PTK2: variants seen among roughly 807,000 people sequenced by gnomAD.
PTK2 encodes the protein protein tyrosine kinase 2.
A neutral mutation model predicts 150.1 loss-of-function variants in PTK2; 45 were observed. The ratio of observed to expected loss-of-function variants is 0.30; its 90% CI spans 0.24 to 0.38. PTK2 has a LOEUF of 0.38. Among genes scored for constraint, PTK2 ranks in the 10% least tolerant of loss-of-function variants. The pLI is 1.00. For missense variants in PTK2, 919 were observed against 1,307.3 expected, an observed-to-expected ratio of 0.70 and a Z score of 4.58; for synonymous variants, 432 against 449.2, an observed-to-expected ratio of 0.96 and a Z score of 0.48.
At chr8:140,808,265 A>C (rs2100099281) in intron 10 of PTK2, among the ~76,000 whole-genome samples, 1 of 152,198 alleles carries the variant, frequency 6.6e-6, no homozygotes, top group African/African-American at 2.4e-5. Flanking sequence ...AGAAGCCATT[A>C]CATAGCAGAG....
Position 140,845,699 on chromosome 8 carries a change from G to A in PTK2, c.593+561C>T, listed in dbSNP as rs1036122322. Among the ~76,000 whole-genome samples the A allele has an allele frequency of 2.6e-5, 4 of 152,244 alleles. No homozygotes were observed. The East Asian group carries it at 7.7e-4, about 29-fold the overall frequency. On this transcript the variant is annotated intron_variant, in intron 7 of 31. Coordinates refer to ENST00000522684, the Ensembl canonical transcript of PTK2. ...GAATCTCTGGCACTTAGCTACAAAG[G>A]ACTCAGTGTTCAGTTATCTTTTGCT...
chr8:140,994,983 T>C (rs538066261), intron 1 of PTK2, among the ~76,000 whole-genome samples: 62 of 146,580 alleles, frequency 4.2e-4, no homozygotes, highest in South Asian at 1.1e-3. Flanking sequence ...ACTCAGGAGG[T>C]TGAGTCAGGA....
At chr8:140,763,863 T>C (rs1253957346) in intron 15 of PTK2, among the ~76,000 whole-genome samples, 1 of 152,180 alleles carries the variant, frequency 6.6e-6, no homozygotes, top group Non-Finnish European at 1.5e-5. Flanking sequence ...ATGTGTATTA[T>C]ACATATATGG....
intron 2 of PTK2, among the ~76,000 whole-genome samples, chr8:140,912,063 G>T (rs1602385298): frequency 6.6e-6 from 1 of 151,952 alleles, no homozygotes; most frequent in East Asian, 1.9e-4. Context: ...CGAGACCTTG[G>T]CTCTACAAAG....
intron 10 of PTK2, among the ~76,000 whole-genome samples, chr8:140,814,293 A>G (rs577345729): frequency 1.3e-5 from 2 of 152,358 alleles, no homozygotes; most frequent in African/African-American, 4.8e-5. Context: ...ACTCCTCTCT[A>G]ACTCATTCTA....
At chr8:140,658,840 C>T in exon 32 of PTK2, 1 of 225,718 alleles carries the variant, frequency 4.4e-6, no homozygotes, top group Non-Finnish European at 8.8e-6. Context: ...TAGTTCCCGA[C>T]CCAATGCTTC....
chr8:140,758,778 A>G (rs1180393245), intron 16 of PTK2, among the ~76,000 whole-genome samples: 1 of 152,234 alleles, frequency 6.6e-6, no homozygotes, highest in African/African-American at 2.4e-5. Context: ...CAGTGTTTAT[A>G]GCCTATAGTA....
At chr8:140,780,541 G>T (rs2100081092) in intron 14 of PTK2, among the ~76,000 whole-genome samples, 1 of 152,126 alleles carries the variant, frequency 6.6e-6, no homozygotes, top group Non-Finnish European at 1.5e-5. Flanking sequence ...CAGAATATGA[G>T]AATAGGACAA....
rs185471545 is a variant in PTK2 at position 140,805,309 on chromosome 8, C to T, written c.868-1659G>A. 3.4e-3 allele frequency among the ~76,000 whole-genome samples: 523 copies of T among 152,170 alleles called. 3 individuals are homozygous for T. The highest frequency in any genetic ancestry group is 5.5e-3 in the Non-Finnish European group (373 of 67,998). On this transcript the variant is annotated intron_variant, in intron 10 of 31. Coordinates refer to ENST00000522684, the Ensembl canonical transcript of PTK2. The stretch of plus-strand genomic sequence containing the variant: ...GGTGTGGTGGCTCATGCCTGTAATC[C>T]CTGCACTTTGGTAGGATGAGGCGGG...
At chr8:140,960,304 T>C (rs1286511182) in intron 1 of PTK2, among the ~76,000 whole-genome samples, 1 of 72 alleles carries the variant, frequency 0.014, no homozygotes, top group South Asian at 0.17. Flanking sequence ...GTTCAAGCAA[T>C]TCTCCTGCTC....
chr8:140,854,183 T>C, intron 5 of PTK2, among the ~76,000 whole-genome samples: 1 of 152,242 alleles, frequency 6.6e-6, no homozygotes, highest in East Asian at 1.9e-4. Context: ...TTATTTAATG[T>C]CATTTAAAAG....
chr8:140,807,930 C>G (rs1478614660), intron 10 of PTK2, among the ~76,000 whole-genome samples: 1 of 152,102 alleles, frequency 6.6e-6, no homozygotes, highest in Non-Finnish European at 1.5e-5. Context: ...TCACTGTCAT[C>G]ATTGGCAAGG....
At chr8:140,803,673 C>G (rs1399196651) in intron 10 of PTK2, 23 bp from the exon 11 acceptor site, 2 of 1,582,110 alleles carry the variant, frequency 1.3e-6, no homozygotes, top group East Asian at 2.2e-5. Flanking sequence ...AAGGTAAAAT[C>G]TTTAGACTAC....
rs145675830 is a variant in PTK2, at chr8:140,737,641, C to T, written c.1825+1377G>A. Among the ~76,000 whole-genome samples, 276 of 152,226 alleles carry T rather than the reference C, an allele frequency of 1.8e-3. 1 individual carries two copies. The highest frequency in any genetic ancestry group is 3.4e-3 in the Middle Eastern group (1 of 294). ...AGTCATTCAGACATTACAGTAACAA[C>T]AATATTAACAAAACAAACTCTACTT... On this transcript the variant is annotated intron_variant, in intron 21 of 31. Transcript: ENST00000522684.
At chr8:140,708,022 A>C (rs2154165603) in intron 23 of PTK2, among the ~76,000 whole-genome samples, 1 of 152,320 alleles carries the variant, frequency 6.6e-6, no homozygotes. Flanking sequence ...GGGATAAATG[A>C]ATTCAAAGTT....
At chr8:140,873,390 T>C (rs1190938597) in intron 4 of PTK2, among the ~76,000 whole-genome samples, 1 of 152,248 alleles carries the variant, frequency 6.6e-6, no homozygotes, top group Non-Finnish European at 1.5e-5. Context: ...TCTATGTTAA[T>C]TGGCCAAACT....
intron 23 of PTK2, among the ~76,000 whole-genome samples, chr8:140,715,248 C>T (rs1405690911): frequency 7.9e-6 from 1 of 126,284 alleles, no homozygotes; most frequent in Non-Finnish European, 1.6e-5. Flanking sequence ...TCTCGGCTCA[C>T]TGCAATCTCT....
intron 1 of PTK2, among the ~76,000 whole-genome samples, chr8:140,996,038 T>C (rs969256023): frequency 1.3e-5 from 2 of 151,262 alleles, no homozygotes; most frequent in Non-Finnish European, 2.9e-5. Context: ...TCAGCCAAGA[T>C]CGCGCCACTG....
intron 1 of PTK2, among the ~76,000 whole-genome samples, chr8:140,961,768 T>G (rs1187250569): frequency 6.6e-6 from 1 of 152,180 alleles, no homozygotes; most frequent in African/African-American, 2.4e-5. Context: ...ACACATTTTT[T>G]AAAAGGCAAT....
Sources: allele counts gnomAD v4.1 joint callset (sites outside exome capture counted in the v4.1 genomes callset), GRCh38; gene constraint gnomAD v4.1.1; transcripts MANE v1.5; gene names NCBI Gene and HGNC (gene_info 2026-07-23, HGNC 2026-07-21).